Variants in CYTH1 observed in about 807,000 individuals in gnomAD.
CYTH1 encodes cytohesin-1.
Under a neutral mutation model 61.8 loss-of-function variants are expected in CYTH1, and 18 were observed. The observed-to-expected ratio is 0.29, with a 90% CI of 0.20 to 0.43. CYTH1 has a LOEUF of 0.43. CYTH1 is among the 20% of genes least tolerant of loss of function. CYTH1 has a pLI of 1.00. For synonymous variants in CYTH1, 174 were observed against 184.3 expected (o/e 0.94, Z 0.45); for missense variants, 336 against 510.5 (o/e 0.66, Z 3.29).
At chr17:78,723,925 C>CA (rs890010816) in intron 1 of CYTH1, 4 of 152,322 alleles carry the variant, frequency 2.6e-5, no homozygotes, top group African/African-American at 7.2e-5. Context: ...GGAGGGGCTT[C>CA]AGGAGGAGTA....
In CYTH1 at chr17:78,709,736, C is replaced by T. The variant is rs2093108538; in HGVS notation, c.23-4G>A. Reference sequence around the variant, plus strand: ...TCTGCTGTCAGGTCACTGGGAACTACAAAAATGGAGGGCAATGTTACAAGA... The same window carrying T: ...TCTGCTGTCAGGTCACTGGGAACTATAAAAATGGAGGGCAATGTTACAAGA... On this transcript the variant is annotated splice_region_variant and splice_polypyrimidine_tract_variant and intron_variant, in intron 1 of 13. Coordinates refer to ENST00000446868, the MANE Select transcript of CYTH1 (RefSeq NM_004762.6). 2 of 1,609,656 alleles carry T rather than the reference C, an allele frequency of 1.2e-6. No homozygotes were observed. Among genetic ancestry groups the T allele is most frequent in the Non-Finnish European group, 8.5e-7 (1 of 1,178,036 alleles).
intron 1 of CYTH1, among the ~76,000 whole-genome samples, chr17:78,764,398 T>C (rs2093440292): frequency 6.6e-6 from 1 of 151,892 alleles, no homozygotes; most frequent in Non-Finnish European, 1.5e-5. Flanking sequence ...CTTGACTTCA[T>C]GATCCACCCA....
chr17:78,679,324 G>A (rs1474243506), intron 13 of CYTH1, among the ~76,000 whole-genome samples: 1 of 152,148 alleles, frequency 6.6e-6, no homozygotes, highest in Admixed American at 6.5e-5. Context: ...GCACCAGGAG[G>A]GAGAGGGCAA....
Position 78,774,640 on chromosome 17 carries a change from G to T in CYTH1, c.22+7562C>A, listed in dbSNP as rs148619333. Among the ~76,000 whole-genome samples the T allele has an allele frequency of 1.6e-3, 242 of 152,190 alleles. 1 individual carries two copies. The highest frequency in any genetic ancestry group is 5.6e-3 in the African/African-American group (233 of 41,494). ...ATGAAAAGGCAAATCTTTCTTAAAT[G>T]CAACAGGCTCCTCTCCCCAGCCCGC... On this transcript the variant is annotated intron_variant, in intron 1 of 13. Transcript: ENST00000446868.
chr17:78,743,399 T>G (rs934706157), intron 1 of CYTH1, among the ~76,000 whole-genome samples: 1 of 152,182 alleles, frequency 6.6e-6, no homozygotes, highest in African/African-American at 2.4e-5. Flanking sequence ...CCTCTGAAGC[T>G]GTCTACCTAA....
In CYTH1 at chr17:78,692,402, C is replaced by T. The variant is rs1344684508; in HGVS notation, c.891+15G>A. Reference sequence around the variant, plus strand: ...TGCCCATCCCTAGTCTGGAGGCCGACTAGCAGGTGCTCACCGTGGTATACT... The same window carrying T: ...TGCCCATCCCTAGTCTGGAGGCCGATTAGCAGGTGCTCACCGTGGTATACT... On this transcript the variant is annotated intron_variant, in intron 11 of 13. Transcript: ENST00000446868. The T allele has an allele frequency of 1.2e-6, 2 of 1,614,090 alleles. No homozygotes were observed. Among genetic ancestry groups the T allele is most frequent in the Non-Finnish European group, 1.7e-6 (2 of 1,179,954 alleles).
intron 1 of CYTH1, among the ~76,000 whole-genome samples, chr17:78,766,969 C>A (rs949271235): frequency 6.6e-6 from 1 of 152,188 alleles, no homozygotes; most frequent in Non-Finnish European, 1.5e-5. Flanking sequence ...CATTTCCTCA[C>A]CTATAAAATC....
chr17:78,745,747 C>A (rs1478106744), intron 1 of CYTH1, among the ~76,000 whole-genome samples: 1 of 152,066 alleles, frequency 6.6e-6, no homozygotes, highest in Non-Finnish European at 1.5e-5. Context: ...CAAAAATTAG[C>A]CAGGCATGGT....
At chr17:78,713,835 AC>A (rs2093158213) in intron 1 of CYTH1, among the ~76,000 whole-genome samples, 1 of 149,854 alleles carries the variant, frequency 6.7e-6, no homozygotes, top group South Asian at 2.1e-4. Flanking sequence ...TAAACTGGAA[AC>A]TCTAAATCGT....
intron 1 of CYTH1, among the ~76,000 whole-genome samples, chr17:78,747,170 A>AAAAAAC (rs1567872924): frequency 2.0e-5 from 3 of 148,898 alleles, no homozygotes; most frequent in African/African-American, 7.5e-5. Context: ...AAAAAAAAAA[A>AAAAAAC]GAAAAAACTA....
chr17:78,751,894 C>T (rs1017571337), intron 1 of CYTH1, among the ~76,000 whole-genome samples: 7 of 152,116 alleles, frequency 4.6e-5, no homozygotes, highest in African/African-American at 7.2e-5. Context: ...ACTGCAAACC[C>T]GGCTAATTGT....
At chr17:78,743,389 C>T (rs2093348862) in intron 1 of CYTH1, among the ~76,000 whole-genome samples, 1 of 152,174 alleles carries the variant, frequency 6.6e-6, no homozygotes, top group Non-Finnish European at 1.5e-5. Context: ...CGTGTCATGG[C>T]CTCTGAAGCT....
At chr17:78,773,638 A>T (rs2093480239) in intron 1 of CYTH1, among the ~76,000 whole-genome samples, 1 of 151,950 alleles carries the variant, frequency 6.6e-6, no homozygotes, top group Non-Finnish European at 1.5e-5. Context: ...CAAAAAAAAA[A>T]AAAAAATTAA....
At chr17:78,726,804 A>G (rs940122185) in intron 1 of CYTH1, among the ~76,000 whole-genome samples, 1 of 152,160 alleles carries the variant, frequency 6.6e-6, no homozygotes, top group Non-Finnish European at 1.5e-5. Context: ...AGGCGCCATG[A>G]GAAAGAAAAG....
intron 9 of CYTH1, chr17:78,696,853 A>C (rs1357151289): frequency 6.6e-6 from 1 of 152,208 alleles, no homozygotes; most frequent in Non-Finnish European, 1.5e-5. Context: ...CCAAACTTGA[A>C]CACACTTTAA....
chr17:78,738,128 C>T (rs887567090), intron 1 of CYTH1, among the ~76,000 whole-genome samples: 43 of 152,152 alleles, frequency 2.8e-4, no homozygotes, highest in Non-Finnish European at 5.1e-4. Flanking sequence ...AAAAAATTCT[C>T]ACAAGTAGAA....
At chr17:78,748,299 A>G (rs912552044) in intron 1 of CYTH1, among the ~76,000 whole-genome samples, 3 of 152,246 alleles carry the variant, frequency 2.0e-5, no homozygotes, top group African/African-American at 7.2e-5. Flanking sequence ...CTGAGTAGTC[A>G]TGCCAGGTGT....
In CYTH1 at chr17:78,675,248, A is replaced by G. The variant is rs1167470140; in HGVS notation, c.*843T>C. ...AAGCCCAACAAGAACTTGGATTCTG[A>G]AGGAGGAAAATAACGTAAGCGTCCA... On this transcript the variant is annotated 3_prime_UTR_variant, in exon 14 of 14. Coordinates refer to ENST00000446868, the MANE Select transcript of CYTH1 (RefSeq NM_004762.6). 2 of 152,252 alleles carry G rather than the reference A, an allele frequency of 1.3e-5. No individual in the cohort carries two copies. Among genetic ancestry groups the G allele is most frequent in the Non-Finnish European group, 2.9e-5 (2 of 68,042 alleles). 9.4% of individuals were successfully genotyped at this position (152,252 alleles called of 1,614,324 possible).
At chr17:78,711,501 G>A (rs1054081934) in intron 1 of CYTH1, among the ~76,000 whole-genome samples, 57 of 151,968 alleles carry the variant, frequency 3.8e-4, no homozygotes, top group African/African-American at 1.3e-3. Context: ...AGACAGCATA[G>A]AGTTGGAATT....
Sources: allele counts gnomAD v4.1 joint callset (sites outside exome capture counted in the v4.1 genomes callset), GRCh38; gene constraint gnomAD v4.1.1; transcripts MANE v1.5; gene names NCBI Gene and HGNC (gene_info 2026-07-23, HGNC 2026-07-21).